Variants in MAGI1 observed in about 807,000 individuals in gnomAD.
The protein encoded by MAGI1 is membrane-associated guanylate kinase, WW and PDZ domain-containing protein 1.
MAGI1 carries 58 observed loss-of-function variants against 139.9 expected under a neutral mutation model. That is an observed-to-expected ratio of 0.41 (90% CI 0.34 to 0.52). The LOEUF (loss-of-function observed/expected upper bound fraction) is 0.52, where lower values mean the gene tolerates loss of function less well. Among genes scored for constraint, MAGI1 ranks in the 20% least tolerant of loss-of-function variants. The pLI is 0.12. For missense variants in MAGI1, 1,874 were observed against 1,901.6 expected (o/e 0.99, Z 0.27); for synonymous variants, 812 against 737.9 (o/e 1.10, Z -1.63).
chr3:65,696,151 G>A (rs892772627), intron 1 of MAGI1, among the ~76,000 whole-genome samples: 1 of 152,118 alleles, frequency 6.6e-6, no homozygotes, highest in African/African-American at 2.4e-5. Flanking sequence ...TATCTTAGAA[G>A]CATTTTCCTC....
At chr3:65,778,434 A>AAAAAAAAC (rs2038651245) in intron 1 of MAGI1, among the ~76,000 whole-genome samples, 1 of 126,208 alleles carries the variant, frequency 7.9e-6, no homozygotes, top group Non-Finnish European at 1.7e-5. Flanking sequence ...CTGTCTCAAA[A>AAAAAAAAC]AAAAAAAAAA....
At chr3:65,403,439 G>A (rs1218436934) in intron 12 of MAGI1, among the ~76,000 whole-genome samples, 1 of 152,062 alleles carries the variant, frequency 6.6e-6, no homozygotes, top group Non-Finnish European at 1.5e-5. Flanking sequence ...ACGATTAAGT[G>A]CTTTTTTTGG....
chr3:65,615,715 A>C (rs960430339), intron 2 of MAGI1, among the ~76,000 whole-genome samples: 1 of 152,194 alleles, frequency 6.6e-6, no homozygotes, highest in African/African-American at 2.4e-5. Flanking sequence ...CACTTATCTG[A>C]GCCCATACTC....
chr3:65,780,444 A>G (rs2038840185), intron 1 of MAGI1, among the ~76,000 whole-genome samples: 1 of 152,202 alleles, frequency 6.6e-6, no homozygotes, highest in Non-Finnish European at 1.5e-5. Flanking sequence ...TTCTATAACC[A>G]CAGTACTAAG....
At chr3:65,760,255 G>A (rs1207052900) in intron 1 of MAGI1, among the ~76,000 whole-genome samples, 2 of 151,586 alleles carry the variant, frequency 1.3e-5, no homozygotes, top group African/African-American at 2.4e-5. Context: ...ATTAATAATT[G>A]TTTATGACAC....
intron 3 of MAGI1, among the ~76,000 whole-genome samples, chr3:65,485,748 A>G (rs939556164): frequency 6.6e-6 from 1 of 152,174 alleles, no homozygotes; most frequent in Non-Finnish European, 1.5e-5. Context: ...AATCTTAGAG[A>G]AAAAAAGGCA....
At chr3:65,785,269 C>A (rs1360693776) in intron 1 of MAGI1, among the ~76,000 whole-genome samples, 2 of 152,138 alleles carry the variant, frequency 1.3e-5, no homozygotes, top group Non-Finnish European at 2.9e-5. Context: ...GGGCGCTTTC[C>A]TCACAGCTAC....
At chr3:65,533,899 G>A (rs1303265109) in intron 2 of MAGI1, among the ~76,000 whole-genome samples, 1 of 152,110 alleles carries the variant, frequency 6.6e-6, no homozygotes, top group East Asian at 1.9e-4. Flanking sequence ...GATCATTCAT[G>A]AAACCTTATA....
intron 1 of MAGI1, among the ~76,000 whole-genome samples, chr3:65,768,255 A>C (rs1455290463): frequency 6.6e-6 from 1 of 152,106 alleles, no homozygotes; most frequent in East Asian, 1.9e-4. Flanking sequence ...CCTCGTCTCT[A>C]CTAAAAATAC....
At chr3:65,530,826 T>TAG (rs2078672431) in intron 2 of MAGI1, among the ~76,000 whole-genome samples, 1 of 15,660 alleles carries the variant, frequency 6.4e-5, no homozygotes, top group South Asian at 2.7e-3. Flanking sequence ...TATACACGTA[T>TAG]ATATATATAT....
intron 1 of MAGI1, among the ~76,000 whole-genome samples, chr3:65,742,566 G>C (rs1024379936): frequency 1.3e-5 from 2 of 152,172 alleles, no homozygotes; most frequent in Non-Finnish European, 2.9e-5. Flanking sequence ...GAATTCTTCA[G>C]ACGATTAAAG....
chr3:65,955,997 C>T (rs1184510708), intron 1 of MAGI1, among the ~76,000 whole-genome samples: 2 of 152,058 alleles, frequency 1.3e-5, no homozygotes, highest in African/African-American at 4.8e-5. Flanking sequence ...CAGGGCAGCC[C>T]TGGGCCGAAG....
At chr3:65,631,467 C>T (rs1318418402) in intron 1 of MAGI1, among the ~76,000 whole-genome samples, 1 of 152,176 alleles carries the variant, frequency 6.6e-6, no homozygotes, top group African/African-American at 2.4e-5. Flanking sequence ...ACCTATTTAA[C>T]CTATTACCAA....
chr3:65,577,072 T>G (rs2081209896), intron 2 of MAGI1, among the ~76,000 whole-genome samples: 1 of 152,220 alleles, frequency 6.6e-6, no homozygotes, highest in Non-Finnish European at 1.5e-5. Flanking sequence ...CACTTAATAC[T>G]CTATAATAAC....
At chr3:65,903,570 C>G (rs1307910714) in intron 1 of MAGI1, among the ~76,000 whole-genome samples, 2 of 152,312 alleles carry the variant, frequency 1.3e-5, no homozygotes, top group Non-Finnish European at 2.9e-5. Context: ...TGCACGTACA[C>G]ACACCTTCTC....
intron 3 of MAGI1, among the ~76,000 whole-genome samples, chr3:65,483,221 C>G (rs4688572): frequency 0.97 from 148,365 of 152,348 alleles, 72,346 homozygotes; most frequent in East Asian, 1. Context: ...AACTCTGGCT[C>G]TCTTATTCTG....
Position 65,364,706 on chromosome 3 carries a change from G to C in MAGI1, c.3310C>G (p.Gln1104Glu), listed in dbSNP as rs757707422. The change falls in exon 20 of 23, where the codon CAG (glutamine) becomes GAG (glutamate). Residue 1104 changes from glutamine to glutamate, a missense_variant. Physicochemically the swap from Gln to Glu is conservative, Grantham distance 29. Transcript: ENST00000402939. ...QETRNTTKPKQESQFEFKAPQ... is the reference protein window; with the variant it reads ...QETRNTTKPKEESQFEFKAPQ... The stretch of plus-strand genomic sequence containing the variant: ...GCTTTGAACTCAAATTGAGATTCCT[G>C]CTTTGGTTTGGTGGTATTCCTGCCA... The C allele has an allele frequency of 2.5e-6, 4 of 1,614,120 alleles. No homozygotes were observed. The South Asian group carries it at 4.4e-5, about 18-fold the overall frequency.
At chr3:65,640,169 C>A (rs2084907447) in intron 1 of MAGI1, among the ~76,000 whole-genome samples, 1 of 151,842 alleles carries the variant, frequency 6.6e-6, no homozygotes, top group Admixed American at 6.6e-5. Context: ...TTGGGATGTG[C>A]CAGTCTCTAT....
At chr3:65,692,430 T>G (rs561977045) in intron 1 of MAGI1, among the ~76,000 whole-genome samples, 49 of 152,234 alleles carry the variant, frequency 3.2e-4, no homozygotes, top group Non-Finnish European at 6.6e-4. Flanking sequence ...CCAACCAAAC[T>G]CATATGTTGA....
Sources: gnomAD v4.1 joint callset for allele counts (sites outside exome capture counted in the v4.1 genomes callset) on GRCh38, gnomAD v4.1.1 for gene constraint, MANE v1.5 for transcripts, NCBI Gene and HGNC (gene_info 2026-07-23, HGNC 2026-07-21) for gene names.